PSMG2: variants seen among roughly 807,000 people sequenced by gnomAD.
The protein encoded by PSMG2 is CD40 ligand-activated specific transcript 3.
A neutral mutation model predicts 31.5 loss-of-function variants in PSMG2; 21 were observed. The ratio of observed to expected loss-of-function variants is 0.67; its 90% CI spans 0.47 to 0.96. The LOEUF (loss-of-function observed/expected upper bound fraction) is 0.96, where lower values mean the gene tolerates loss of function less well. PSMG2 is among the 40% of genes least tolerant of loss of function. The probability of loss-of-function intolerance (pLI) is 0.00; values close to 1 mark genes in which losing one functional copy is unlikely to be tolerated. For missense variants in PSMG2, 318 were observed against 321.2 expected (o/e 0.99, Z 0.08); for synonymous variants, 120 against 110.4 (o/e 1.09, Z -0.54).
At chr18:12,710,927 C>G (rs1184474983) in intron 2 of PSMG2, among the ~76,000 whole-genome samples, 1 of 152,094 alleles carries the variant, frequency 6.6e-6, no homozygotes, top group Non-Finnish European at 1.5e-5. Flanking sequence ...TGATGAAACT[C>G]TGTCTCTACT....
chr18:12,686,039 T>C (rs564617789), intron 1 of PSMG2: 1 of 413,256 alleles, frequency 2.4e-6, no homozygotes, highest in South Asian at 3.3e-5. Flanking sequence ...ACATAAACGT[T>C]GTTACACACC....
At chr18:12,695,244 A>T (rs778503137) in intron 1 of PSMG2, 41 of 1,254,742 alleles carry the variant, frequency 3.3e-5, no homozygotes, top group Middle Eastern at 2.0e-4. Flanking sequence ...AGAAACTCAT[A>T]AGTATTTACC....
In PSMG2 at chr18:12,673,532, TAAG is replaced by T. The variant is rs370698496; in HGVS notation, c.-37+14763_-37+14765del. ...TTTAAGAAAAAAAAAATTATTCAAT[TAAG>T]AAGTGACCATACACTTTAATTCCTT... is the stretch of plus-strand genomic sequence containing the variant. On this transcript the variant is annotated intron_variant, in intron 1 of 6. Coordinates refer to the PSMG2 transcript ENST00000585331. 2,225 of 1,512,072 alleles carry T rather than the reference TAAG, an allele frequency of 1.5e-3. 30 individuals are homozygous for T. In the African/African-American group the frequency reaches 0.027, roughly 19 times the overall value. 93.7% of individuals were successfully genotyped at this position (1,512,072 alleles called of 1,614,324 possible). A position where few individuals can be genotyped will look rare whatever the true frequency, so the allele number is the denominator to read the frequency against.
At chr18:12,681,664 A>G (rs976382617) in intron 1 of PSMG2, among the ~76,000 whole-genome samples, 8 of 152,192 alleles carry the variant, frequency 5.3e-5, no homozygotes, top group African/African-American at 1.9e-4. Flanking sequence ...TAGTATCTAT[A>G]TGTGATAATT....
At chr18:12,664,349 C>A (rs537475011) in intron 1 of PSMG2, among the ~76,000 whole-genome samples, 1 of 152,154 alleles carries the variant, frequency 6.6e-6, no homozygotes, top group Non-Finnish European at 1.5e-5. Context: ...CGAGACCATC[C>A]TGGCTAACAC....
upstream of PSMG2, chr18:12,702,767 G>T: frequency 1.7e-6 from 1 of 583,944 alleles, no homozygotes; most frequent in South Asian, 2.1e-5. Flanking sequence ...AAACAGTGGC[G>T]GACAAACAGG....
At chr18:12,672,546 T>A (rs1280402135) in intron 1 of PSMG2, 7 of 514,256 alleles carry the variant, frequency 1.4e-5, no homozygotes, top group Admixed American at 7.1e-5. Flanking sequence ...CTGATTTTTT[T>A]ATCACAATGA....
At chr18:12,724,763 A>C (rs1047139269) in intron 6 of PSMG2, 144 bp downstream of exon 6, 2 of 975,140 alleles carry the variant, frequency 2.1e-6, no homozygotes, top group Non-Finnish European at 2.7e-6. Flanking sequence ...TTTAAGCTGA[A>C]CTTTTGAAAA....
Position 12,706,720 on chromosome 18 carries a change from A to C in PSMG2, c.228A>C (p.Glu76Asp). Reference sequence around the variant, plus strand: ...CAACAGAACTTAGCATAAATGCTGAAGGTATGTAAGACTTTACCTTGTATT... The same window carrying C: ...CAACAGAACTTAGCATAAATGCTGACGGTATGTAAGACTTTACCTTGTATT... Reference protein sequence around the residue: ...GNSTELSINAEVYSLPSRKLV... With the variant: ...GNSTELSINADVYSLPSRKLV... Residue 76 changes from glutamate to aspartate, a missense_variant and splice_region_variant, in exon 2 of 7, where the codon GAA becomes GAC. Glu to Asp is a conservative substitution (Grantham distance 45). Transcript: ENST00000317615. 3.8e-6 allele frequency: 6 copies of C among 1,598,590 alleles called. No individual in the cohort carries two copies. Among genetic ancestry groups the C allele is most frequent in the Non-Finnish European group, 5.1e-6 (6 of 1,169,030 alleles).
chr18:12,678,456 AT>A (rs773563369), intron 1 of PSMG2: 1 of 1,511,356 alleles, frequency 6.6e-7, no homozygotes. Context: ...AAAAAATTAA[AT>A]AATTTTATAT....
At chr18:12,694,916 C>A (rs1598656654) in intron 1 of PSMG2, among the ~76,000 whole-genome samples, 2 of 151,628 alleles carry the variant, frequency 1.3e-5, no homozygotes, top group East Asian at 3.9e-4. Context: ...GGGGTTTCAC[C>A]GTGTTAGCCA....
rs1163109697 is a variant in PSMG2, at chr18:12,713,657, A to G, written c.288+897A>G. Among the ~76,000 whole-genome samples, 6 of 152,230 alleles carry G rather than the reference A, an allele frequency of 3.9e-5. No homozygotes were observed. In the South Asian group the frequency reaches 1.2e-3, roughly 32 times the overall value. On this transcript the variant is annotated intron_variant, in intron 3 of 6. Coordinates refer to ENST00000317615, the MANE Select transcript of PSMG2 (RefSeq NM_020232.5). ...TTCTCTGCAGACTCTACTTGGCCAT[A>G]TTGGTTCCAACCAATTTCAGCCAGT...
chr18:12,705,572 A>AGTGTGTGTGTGTGTGT (rs1341255881), intron 1 of PSMG2, among the ~76,000 whole-genome samples: 51 of 129,314 alleles, frequency 3.9e-4, no homozygotes, highest in East Asian at 2.9e-3. Flanking sequence ...AGAGAGAGAG[A>AGTGTGTGTGTGTGTGT]GAGAGTGTGT....
intron 5 of PSMG2, 125 bp from the exon 6 acceptor site, chr18:12,724,374 C>A: frequency 1.0e-6 from 1 of 963,930 alleles, no homozygotes; most frequent in East Asian, 2.9e-5. Flanking sequence ...GATAAGTGAT[C>A]TTATGGTGTG....
At chr18:12,719,801 G>A (rs948983554) in intron 4 of PSMG2, among the ~76,000 whole-genome samples, 12 of 149,788 alleles carry the variant, frequency 8.0e-5, no homozygotes, top group Non-Finnish European at 1.2e-4. Flanking sequence ...TCGAGTCACT[G>A]CAACCTCTGC....
At chr18:12,701,884 A>C (rs1240423013), upstream of PSMG2, among the ~76,000 whole-genome samples, 1 of 152,106 alleles carries the variant, frequency 6.6e-6, no homozygotes. Flanking sequence ...TAATCCCAGC[A>C]CTTTAGGAGG....
chr18:12,719,761 T>C (rs919419623), intron 4 of PSMG2, among the ~76,000 whole-genome samples: 10 of 149,972 alleles, frequency 6.7e-5, no homozygotes, highest in Non-Finnish European at 1.5e-4. Context: ...CAGTTCTCAG[T>C]TGCCCAGGCT....
chr18:12,671,638 CTTT>C (rs1465075121), intron 1 of PSMG2, among the ~76,000 whole-genome samples: 3 of 82,930 alleles, frequency 3.6e-5, no homozygotes, highest in African/African-American at 1.2e-4. Context: ...AGGTTTCACA[CTTT>C]CTTTTTTTTT....
chr18:12,702,542 G>A (rs1240264280), upstream of PSMG2: 36 of 1,604,426 alleles, frequency 2.2e-5, no homozygotes, highest in Non-Finnish European at 3.1e-5. Context: ...TCCGGAGGCA[G>A]CGACATGCTG....
Sources: gnomAD v4.1 joint callset for allele counts (sites outside exome capture counted in the v4.1 genomes callset) on GRCh38, gnomAD v4.1.1 for gene constraint, MANE v1.5 for transcripts, NCBI Gene and HGNC (gene_info 2026-07-23, HGNC 2026-07-21) for gene names.